The following IQSEC1 variants were observed in gnomAD, a reference collection of about 807,000 sequenced individuals.
IQSEC1 encodes IQ motif and SEC7 domain-containing protein 1.
A neutral mutation model predicts 91.0 loss-of-function variants in IQSEC1; 31 were observed. That is an observed-to-expected ratio of 0.34 (90% CI 0.26 to 0.46). The LOEUF (loss-of-function observed/expected upper bound fraction) is 0.46, where lower values mean the gene tolerates loss of function less well. Among genes scored for constraint, IQSEC1 ranks in the 20% least tolerant of loss-of-function variants. IQSEC1 has a pLI of 1.00. For synonymous variants in IQSEC1, 699 were observed against 662.6 expected (o/e 1.05, Z -0.84); for missense variants, 1,388 against 1,575.6 (o/e 0.88, Z 2.02).
At chr3:13,045,018 G>A (rs1049352782) in intron 1 of IQSEC1, among the ~76,000 whole-genome samples, 5 of 152,250 alleles carry the variant, frequency 3.3e-5, no homozygotes, top group Non-Finnish European at 7.3e-5. Flanking sequence ...GGCCCTGTCT[G>A]TGTCTGAGGC....
intron 1 of IQSEC1, among the ~76,000 whole-genome samples, chr3:13,200,116 T>C (rs1042767604): frequency 1.4e-5 from 2 of 144,506 alleles, no homozygotes; most frequent in Non-Finnish European, 3.0e-5. Flanking sequence ...CACACACACA[T>C]ACACCACAGA....
intron 2 of IQSEC1, among the ~76,000 whole-genome samples, chr3:13,154,473 A>ATATATT (rs1707055177): frequency 7.7e-6 from 1 of 129,818 alleles, no homozygotes; most frequent in Non-Finnish European, 1.6e-5. Flanking sequence ...ATATATATAT[A>ATATATT]TATGCAAAAA....
intron 1 of IQSEC1, among the ~76,000 whole-genome samples, chr3:13,186,846 C>A (rs1275750933): frequency 2.0e-5 from 3 of 152,140 alleles, no homozygotes; most frequent in Non-Finnish European, 4.4e-5. Context: ...CTGGATCCTG[C>A]CCAGAAACCC....
intron 1 of IQSEC1, among the ~76,000 whole-genome samples, chr3:13,203,454 T>A (rs1559276750): frequency 6.6e-6 from 1 of 152,102 alleles, no homozygotes; most frequent in African/African-American, 2.4e-5. Context: ...CAGGACAAAT[T>A]CCTGTAGTGG....
At chr3:13,084,508 T>A (rs1302618317) in intron 2 of IQSEC1, among the ~76,000 whole-genome samples, 2 of 152,182 alleles carry the variant, frequency 1.3e-5, no homozygotes, top group Non-Finnish European at 2.9e-5. Flanking sequence ...AAAATCTGCC[T>A]CGTGGGGCTG....
chr3:12,930,014 G>A (rs954605843), intron 3 of IQSEC1, among the ~76,000 whole-genome samples: 33 of 152,250 alleles, frequency 2.2e-4, no homozygotes, highest in Admixed American at 1.3e-4. Flanking sequence ...TCGTCTTTCA[G>A]CGGCAAGCTG....
chr3:13,156,176 G>A (rs970244716), intron 2 of IQSEC1, among the ~76,000 whole-genome samples: 3 of 152,006 alleles, frequency 2.0e-5, no homozygotes, highest in African/African-American at 7.2e-5. Context: ...AGGTTGCAGT[G>A]AGCTGAAACT....
At chr3:13,142,079 C>T (rs1294049555) in intron 2 of IQSEC1, among the ~76,000 whole-genome samples, 1 of 152,246 alleles carries the variant, frequency 6.6e-6, no homozygotes, top group African/African-American at 2.4e-5. Context: ...TTGAGACGCA[C>T]AGTTGTGTGA....
intron 1 of IQSEC1, among the ~76,000 whole-genome samples, chr3:13,203,875 G>A (rs1040546549): frequency 6.6e-6 from 1 of 152,234 alleles, no homozygotes; most frequent in African/African-American, 2.4e-5. Context: ...GGCCCTGAGC[G>A]TGCCAGTGAA....
At chr3:13,041,053 C>G (rs1704242790) in intron 1 of IQSEC1, among the ~76,000 whole-genome samples, 1 of 151,958 alleles carries the variant, frequency 6.6e-6, no homozygotes, top group Non-Finnish European at 1.5e-5. Context: ...TCTGCAGTTG[C>G]CTGCCCTCTG....
At chr3:13,167,137 G>A (rs992621307) in intron 1 of IQSEC1, among the ~76,000 whole-genome samples, 15 of 152,220 alleles carry the variant, frequency 9.9e-5, no homozygotes, top group African/African-American at 3.6e-4. Context: ...CAAAGAAGCA[G>A]ATGGTCAGGA....
At chr3:12,955,192 C>T (rs530142551) in intron 1 of IQSEC1, among the ~76,000 whole-genome samples, 2 of 152,374 alleles carry the variant, frequency 1.3e-5, no homozygotes, top group Admixed American at 1.3e-4. Flanking sequence ...GCTGAAAACA[C>T]TGTCCTGCAG....
chr3:12,997,283 A>G (rs370984367), intron 1 of IQSEC1, among the ~76,000 whole-genome samples: 80 of 152,348 alleles, frequency 5.3e-4, no homozygotes, highest in African/African-American at 1.8e-3. Flanking sequence ...AAGGACACAA[A>G]TATGCCGAAA....
chr3:13,144,398 G>T (rs1021987267), intron 2 of IQSEC1, among the ~76,000 whole-genome samples: 10 of 152,178 alleles, frequency 6.6e-5, no homozygotes, highest in African/African-American at 2.4e-4. Flanking sequence ...TCAGAGGGAG[G>T]CAGGGAGAGT....
chr3:13,101,004 G>C (rs576677541), intron 2 of IQSEC1, among the ~76,000 whole-genome samples: 1 of 150,390 alleles, frequency 6.6e-6, no homozygotes, highest in Non-Finnish European at 1.5e-5. Flanking sequence ...GCTCCAGACA[G>C]AGAAAACAGC....
At chr3:13,143,507 A>T (rs1706835298) in intron 2 of IQSEC1, among the ~76,000 whole-genome samples, 1 of 152,212 alleles carries the variant, frequency 6.6e-6, no homozygotes, top group South Asian at 2.1e-4. Context: ...CCATCACGCC[A>T]TCTCCCACCC....
Position 13,115,226 on chromosome 3 carries a change from C to T in IQSEC1, c.302+48878G>A, listed in dbSNP as rs115876099. On this transcript the variant is annotated intron_variant, in intron 2 of 15. Transcript: ENST00000648114. ...TGGTCCTGGCCTGATTTAATGCATCCCTTTCCCCCATCTGGAGCTCATTTC... is the reference window on the plus strand; with the variant it reads ...TGGTCCTGGCCTGATTTAATGCATCTCTTTCCCCCATCTGGAGCTCATTTC... 3.0e-3 allele frequency among the ~76,000 whole-genome samples: 459 copies of T among 152,306 alleles called. 2 individuals carry two copies. Among genetic ancestry groups the T allele is most frequent in the African/African-American group, 9.1e-3 (379 of 41,564 alleles).
chr3:13,082,763 A>G (rs993779241), intron 2 of IQSEC1, among the ~76,000 whole-genome samples: 1 of 152,192 alleles, frequency 6.6e-6, no homozygotes, highest in African/African-American at 2.4e-5. Context: ...TGGCTCTCGG[A>G]GACCTGTGCG....
intron 1 of IQSEC1, among the ~76,000 whole-genome samples, chr3:13,013,811 G>T (rs1321235618): frequency 6.6e-6 from 1 of 152,216 alleles, no homozygotes; most frequent in Non-Finnish European, 1.5e-5. Flanking sequence ...TTTGTTGAAT[G>T]ACTGAATTAA....
Sources: allele counts gnomAD v4.1 joint callset (sites outside exome capture counted in the v4.1 genomes callset), GRCh38; gene constraint gnomAD v4.1.1; transcripts MANE v1.5; gene names NCBI Gene and HGNC (gene_info 2026-07-23, HGNC 2026-07-21).